The following APBB1IP variants were observed in gnomAD, a reference collection of about 807,000 sequenced individuals.
APBB1IP encodes the protein amyloid beta precursor protein binding family B member 1 interacting protein, also known as amyloid beta A4 precursor protein-binding family B member 1-interacting protein.
A neutral mutation model predicts 64.9 loss-of-function variants in APBB1IP; 27 were observed. The observed-to-expected ratio is 0.42, with a 90% confidence interval of 0.31 to 0.57. The LOEUF (loss-of-function observed/expected upper bound fraction) is 0.57. Ranked by LOEUF, APBB1IP falls within the 20% of genes least tolerant of loss-of-function variation. The pLI, the probability that APBB1IP is intolerant of heterozygous loss-of-function variation, is 0.20. For synonymous variants in APBB1IP, 392 were observed against 331.0 expected, an observed-to-expected ratio of 1.18 and a Z score of -2.00; for missense variants, 812 against 845.5, an observed-to-expected ratio of 0.96 and a Z score of 0.49.
chr10:26,455,103 G>A (rs1835506946), intron 2 of APBB1IP, among the ~76,000 whole-genome samples: 1 of 152,240 alleles, frequency 6.6e-6, no homozygotes, highest in Non-Finnish European at 1.5e-5. Flanking sequence ...GCTGAATGGA[G>A]TTGGGTAGTT....
chr10:26,439,612 G>A (rs1835318206), intron 2 of APBB1IP, among the ~76,000 whole-genome samples: 4 of 151,642 alleles, frequency 2.6e-5, no homozygotes, highest in African/African-American at 9.7e-5. Context: ...TCCTGCTAAG[G>A]TATTTCTTAG....
chr10:26,509,635 A>C (rs1158806818), intron 6 of APBB1IP: 1 of 152,252 alleles, frequency 6.6e-6, no homozygotes. Context: ...ATCCGATCTC[A>C]GAAGCTAGAC....
intron 14 of APBB1IP, among the ~76,000 whole-genome samples, chr10:26,564,915 A>C (rs569860397): frequency 4.3e-4 from 66 of 152,224 alleles, no homozygotes; most frequent in African/African-American, 1.5e-3. Flanking sequence ...GCCTTCCCTG[A>C]AGCTGTGAGG....
At chr10:26,543,352 G>C (rs1327257328) in intron 11 of APBB1IP, among the ~76,000 whole-genome samples, 1 of 151,544 alleles carries the variant, frequency 6.6e-6, no homozygotes, top group African/African-American at 2.4e-5. Context: ...CTTTAGTCCC[G>C]CTACTTGGGG....
chr10:26,492,098 A>G (rs1283404111), intron 2 of APBB1IP, among the ~76,000 whole-genome samples: 1 of 152,078 alleles, frequency 6.6e-6, no homozygotes, highest in Non-Finnish European at 1.5e-5. Flanking sequence ...GAAAAATTCA[A>G]CTGTGGCTCT....
chr10:26,546,138 T>C (rs533570566), intron 11 of APBB1IP, among the ~76,000 whole-genome samples: 2 of 152,330 alleles, frequency 1.3e-5, no homozygotes, highest in East Asian at 3.9e-4. Context: ...ACTGCACATC[T>C]TCAAGAGATG....
At chr10:26,562,633 A>C (rs1352378254) in intron 14 of APBB1IP, among the ~76,000 whole-genome samples, 1 of 151,834 alleles carries the variant, frequency 6.6e-6, no homozygotes. Context: ...GCTTGTCTCT[A>C]CTAGAAAAAA....
chr10:26,454,430 G>A (rs568109563), intron 2 of APBB1IP, among the ~76,000 whole-genome samples: 1 of 152,176 alleles, frequency 6.6e-6, no homozygotes, highest in South Asian at 2.1e-4. Flanking sequence ...ATGGGACAAG[G>A]AGCTGAGATC....
At chr10:26,533,713 T>C (rs960228220) in intron 9 of APBB1IP, among the ~76,000 whole-genome samples, 188 bp downstream of exon 9, 4 of 152,340 alleles carry the variant, frequency 2.6e-5, no homozygotes, top group Non-Finnish European at 5.9e-5. Context: ...TTTGAGTCAT[T>C]TGTTACAACA....
intron 2 of APBB1IP, among the ~76,000 whole-genome samples, chr10:26,452,498 A>G (rs1380286932): frequency 6.6e-6 from 1 of 152,212 alleles, no homozygotes; most frequent in East Asian, 1.9e-4. Context: ...ATCACAATTC[A>G]TGTTTTCAGA....
In APBB1IP at chr10:26,496,405, T is replaced by C. The variant is rs1329709334; in HGVS notation, c.160+14T>C. On this transcript the variant is annotated intron_variant, in intron 4 of 14. Transcript: ENST00000376236. ...AAGATTTAAATGGTAAGCATAACAA[T>C]TTCTTTTCTTAAGTAATTCAAAATC... is the stretch of plus-strand genomic sequence containing the variant. 1 of 1,578,568 alleles carries C rather than the reference T, an allele frequency of 6.3e-7. No individual in the cohort carries two copies. Among genetic ancestry groups the C allele is most frequent in the South Asian group, 1.1e-5 (1 of 89,468 alleles).
At chr10:26,458,394 G>T (rs7096418) in intron 2 of APBB1IP, among the ~76,000 whole-genome samples, 6,011 of 151,576 alleles carry the variant, frequency 0.04, 381 homozygotes, top group African/African-American at 0.14. Flanking sequence ...TCGAAAGGAA[G>T]GAAGGAAGGT....
chr10:26,482,290 G>A (rs1281297213), intron 2 of APBB1IP, among the ~76,000 whole-genome samples: 1 of 152,176 alleles, frequency 6.6e-6, no homozygotes, highest in Non-Finnish European at 1.5e-5. Flanking sequence ...CTTTAGAGAT[G>A]CTTCTGTTTC....
chr10:26,483,165 A>C (rs1467029128), intron 2 of APBB1IP, among the ~76,000 whole-genome samples: 2 of 151,638 alleles, frequency 1.3e-5, no homozygotes, highest in Admixed American at 1.3e-4. Context: ...TCTTTAACAT[A>C]GAAAGATGTA....
intron 2 of APBB1IP, among the ~76,000 whole-genome samples, chr10:26,467,451 G>A (rs537405788): frequency 6.6e-6 from 1 of 152,146 alleles, no homozygotes; most frequent in South Asian, 2.1e-4. Context: ...ACAGATTATC[G>A]GGCCCCACCC....
At chr10:26,459,821 A>G (rs1468940152) in intron 2 of APBB1IP, among the ~76,000 whole-genome samples, 2 of 152,156 alleles carry the variant, frequency 1.3e-5, no homozygotes, top group Non-Finnish European at 2.9e-5. Context: ...GCACATAACT[A>G]GTTTTCAACA....
At chr10:26,514,059 A>G (rs1836295235) in intron 8 of APBB1IP, among the ~76,000 whole-genome samples, 1 of 152,170 alleles carries the variant, frequency 6.6e-6, no homozygotes, top group South Asian at 2.1e-4. Context: ...TGTCACCTGT[A>G]TACTAACCAC....
At chr10:26,561,160 C>T (rs1336858104) in intron 13 of APBB1IP, among the ~76,000 whole-genome samples, 1 of 145,862 alleles carries the variant, frequency 6.9e-6, no homozygotes, top group African/African-American at 2.6e-5. Context: ...GCTCCGCCTC[C>T]TGGGTTCACA....
At chr10:26,479,593 A>G (rs898555856) in intron 2 of APBB1IP, among the ~76,000 whole-genome samples, 2 of 150,804 alleles carry the variant, frequency 1.3e-5, no homozygotes, top group Non-Finnish European at 3.0e-5. Flanking sequence ...CAAACATTTG[A>G]AAAAAAACAA....
Sources: gnomAD v4.1 joint callset for allele counts (sites outside exome capture counted in the v4.1 genomes callset) on GRCh38, gnomAD v4.1.1 for gene constraint, MANE v1.5 for transcripts, NCBI Gene and HGNC (gene_info 2026-07-23, HGNC 2026-07-21) for gene names.